EBF3: variants seen among roughly 807,000 people sequenced by gnomAD.
EBF3 encodes transcription factor COE3.
In EBF3, 18 loss-of-function variants were observed where a neutral mutation model predicts 77.1. The observed-to-expected ratio is 0.23, with a 90% CI of 0.16 to 0.35. The LOEUF (loss-of-function observed/expected upper bound fraction) is 0.35, where lower values mean the gene tolerates loss of function less well. EBF3 is among the 10% of genes least tolerant of loss of function. EBF3 has a pLI of 1.00. For missense variants in EBF3, 558 were observed against 860.0 expected, an observed-to-expected ratio of 0.65 and a Z score of 4.39; for synonymous variants, 350 against 343.5, an observed-to-expected ratio of 1.02 and a Z score of -0.21.
intron 11 of EBF3, among the ~76,000 whole-genome samples, chr10:129,844,181 T>G (rs943729517): frequency 3.9e-5 from 6 of 152,174 alleles, no homozygotes; most frequent in African/African-American, 1.4e-4. Context: ...AGTGGCCTCC[T>G]GCGGACCCCA....
At chr10:129,912,884 G>A (rs542471044) in intron 6 of EBF3, among the ~76,000 whole-genome samples, 4 of 152,312 alleles carry the variant, frequency 2.6e-5, no homozygotes, top group Middle Eastern at 3.4e-3. Context: ...TGTATGCAGC[G>A]TTTCATTACA....
chr10:129,924,619 G>A (rs879433034), intron 6 of EBF3, among the ~76,000 whole-genome samples: 3 of 152,108 alleles, frequency 2.0e-5, no homozygotes, highest in Admixed American at 1.3e-4. Flanking sequence ...CCACATCTCC[G>A]TGTATACACA....
chr10:129,893,513 AAGTAATTT>A, intron 6 of EBF3, among the ~76,000 whole-genome samples: 1 of 152,216 alleles, frequency 6.6e-6, no homozygotes, highest in South Asian at 2.1e-4. Context: ...TTTTGTTCAT[AAGTAATTT>A]GATTAACATG....
intron 6 of EBF3, among the ~76,000 whole-genome samples, chr10:129,919,789 TG>T (rs1856141524): frequency 6.6e-6 from 1 of 152,160 alleles, no homozygotes; most frequent in Non-Finnish European, 1.5e-5. Context: ...GTCTCCTTCC[TG>T]GTGGCCCCCA....
In EBF3 at chr10:129,863,821, A is replaced by G. The variant is rs1361857860; in HGVS notation, c.1039+3320T>C. 6.6e-6 allele frequency among the ~76,000 whole-genome samples: 1 copy of G among 152,216 alleles called. No individual in the cohort carries two copies. The highest frequency in any genetic ancestry group is 1.5e-5 in the Non-Finnish European group (1 of 68,034). ...ACCTTTCCTCTGCTCCCCAGCCTGT[A>G]GAGCCTGTATCCCTTACATCACCTT... On this transcript the variant is annotated intron_variant, in intron 10 of 16. Transcript: ENST00000440978. The surrounding 1 kb of genome is among the most constrained non-coding windows in gnomAD (Gnocchi z 4.0).
intron 6 of EBF3, among the ~76,000 whole-genome samples, chr10:129,895,312 G>C (rs1232369442): frequency 1.3e-5 from 2 of 152,196 alleles, no homozygotes; most frequent in Non-Finnish European, 2.9e-5. Flanking sequence ...CTCTCCCCCA[G>C]CCAGGCTCCA....
intron 6 of EBF3, among the ~76,000 whole-genome samples, chr10:129,913,606 G>A (rs1855672889): frequency 6.6e-6 from 1 of 152,254 alleles, no homozygotes; most frequent in South Asian, 2.1e-4. Flanking sequence ...CAGAGCTATG[G>A]TTCCCTGAAA....
rs1850010586 is a variant in EBF3, at chr10:129,841,048, C to CCCG, written c.1373-17_1373-16insCGG. 1.9e-6 allele frequency: 3 copies of CCCG among 1,602,190 alleles called. No individual in the cohort carries two copies. Among genetic ancestry groups the CCCG allele is most frequent in the South Asian group, 2.2e-5 (2 of 89,684 alleles). On this transcript the variant is annotated splice_polypyrimidine_tract_variant and intron_variant, in intron 13 of 16. Transcript: ENST00000440978. The surrounding 1 kb of genome is among the most constrained non-coding windows in gnomAD (Gnocchi z 4.6). ...CTGTAGCCGACTGTTGAAATCCCCC[C>CCCG]CCCGGCCAAAAATAACATTATTATC... is the stretch of plus-strand genomic sequence containing the variant.
At chr10:129,899,325 G>A (rs1854619442) in intron 6 of EBF3, among the ~76,000 whole-genome samples, 1 of 152,198 alleles carries the variant, frequency 6.6e-6, no homozygotes, top group Non-Finnish European at 1.5e-5. Context: ...GGCATTTCTT[G>A]ATGCCAGCAG....
intron 6 of EBF3, among the ~76,000 whole-genome samples, chr10:129,907,864 G>C (rs1855256862): frequency 6.6e-6 from 1 of 152,152 alleles, no homozygotes; most frequent in African/African-American, 2.4e-5. Flanking sequence ...ATCAAATATA[G>C]ATGAGACGGA....
chr10:129,910,688 C>A (rs1474825175), intron 6 of EBF3, among the ~76,000 whole-genome samples: 1 of 152,072 alleles, frequency 6.6e-6, no homozygotes, highest in Non-Finnish European at 1.5e-5. Flanking sequence ...CCCCAGAGCC[C>A]CAGGTATAGG....
chr10:129,841,048 C>CCCCA lies in EBF3; in HGVS notation c.1373-17_1373-16insTGGG, dbSNP rs755476348. On this transcript the variant is annotated splice_polypyrimidine_tract_variant and intron_variant, in intron 13 of 16. Coordinates refer to ENST00000440978, the MANE Select transcript of EBF3 (RefSeq NM_001375380.1). This position sits in a 1 kb window ranked among gnomAD's most constrained non-coding sequence, Gnocchi z 4.6. ...CTGTAGCCGACTGTTGAAATCCCCC[C>CCCCA]CCCGGCCAAAAATAACATTATTATC... 1.1e-5 allele frequency: 18 copies of CCCCA among 1,602,190 alleles called. 2 individuals carry two copies. Among genetic ancestry groups the CCCCA allele is most frequent in the Non-Finnish European group, 1.2e-5 (14 of 1,173,926 alleles).
chr10:129,924,276 G>A (rs760339354), intron 6 of EBF3, among the ~76,000 whole-genome samples: 8 of 152,032 alleles, frequency 5.3e-5, no homozygotes, highest in African/African-American at 1.2e-4. Flanking sequence ...TTAGCCAGGC[G>A]TGATGGTACG....
At chr10:129,913,914 C>T (rs1855693698) in intron 6 of EBF3, among the ~76,000 whole-genome samples, 1 of 152,276 alleles carries the variant, frequency 6.6e-6, no homozygotes, top group African/African-American at 2.4e-5. Flanking sequence ...CCTTCATTCA[C>T]TCATCTCGCT....
intron 6 of EBF3, among the ~76,000 whole-genome samples, chr10:129,921,449 C>T (rs1019361197): frequency 2.6e-5 from 4 of 152,180 alleles, no homozygotes; most frequent in Admixed American, 6.5e-5. Flanking sequence ...ACCAAGCTGC[C>T]GGCGTCCCCT....
At chr10:129,932,410 C>T (rs143293253) in intron 6 of EBF3, among the ~76,000 whole-genome samples, 18 of 152,302 alleles carry the variant, frequency 1.2e-4, no homozygotes, top group South Asian at 2.1e-4. Flanking sequence ...CATGGCAGAG[C>T]GGCCGCCGAT....
At chr10:129,932,311 TG>T (rs1162920335) in intron 6 of EBF3, among the ~76,000 whole-genome samples, 3 of 152,318 alleles carry the variant, frequency 2.0e-5, no homozygotes, top group Admixed American at 2.0e-4. Context: ...CTGCCTAGCC[TG>T]GGAGGCAATC....
intron 4 of EBF3, among the ~76,000 whole-genome samples, chr10:129,961,341 G>C (rs1424624333): frequency 6.6e-6 from 1 of 152,146 alleles, no homozygotes; most frequent in Non-Finnish European, 1.5e-5. Flanking sequence ...GAAAATGGGG[G>C]CGGGGGGAAA....
chr10:129,962,893 A>G, intron 3 of EBF3, 49 bp downstream of exon 3: 1 of 1,607,590 alleles, frequency 6.2e-7, no homozygotes, highest in Non-Finnish European at 8.5e-7. Context: ...CAGCGCAGAA[A>G]AGGAGAGCCA....
Sources: gnomAD v4.1 joint callset for allele counts (sites outside exome capture counted in the v4.1 genomes callset) on GRCh38, gnomAD v4.1.1 for gene constraint, Gnocchi (gnomAD v3.1) non-coding constraint, MANE v1.5 for transcripts, NCBI Gene and HGNC (gene_info 2026-07-23, HGNC 2026-07-21) for gene names.